The following ZNF658 variants were observed in gnomAD, a reference collection of about 807,000 sequenced individuals.
ZNF658 encodes the protein zinc finger protein 658.
ZNF658 carries 46 observed loss-of-function variants against 78.0 expected under a neutral mutation model. That is an observed-to-expected ratio of 0.59 (90% CI 0.47 to 0.75). ZNF658 has a LOEUF of 0.75. Among genes scored for constraint, ZNF658 ranks in the 30% least tolerant of loss-of-function variants. The pLI is 0.00. For missense variants in ZNF658, 785 were observed against 1,189.3 expected (o/e 0.66, Z 5.00); for synonymous variants, 279 against 408.4 (o/e 0.68, Z 3.82).
chr9:66,910,694 G>C (rs1034489770), intron 4 of ZNF658, among the ~76,000 whole-genome samples: 1 of 151,768 alleles, frequency 6.6e-6, no homozygotes, highest in Non-Finnish European at 1.5e-5. Context: ...TACTTGGGAG[G>C]CTGAGGCAGG....
In ZNF658 at chr9:66,919,739, C is replaced by T. The variant is rs1363028223; in HGVS notation, c.2173C>T (p.His725Tyr). Reference protein sequence around the residue: ...ECNECEKTFAHNSALRAHQNI... With the variant: ...ECNECEKTFAYNSALRAHQNI... Reference sequence around the variant, plus strand: ...TAATGAATGTGAGAAAACATTTGCCCATAATTCAGCCCTTAGAGCACATCA... The same window carrying T: ...TAATGAATGTGAGAAAACATTTGCCTATAATTCAGCCCTTAGAGCACATCA... Residue 725 changes from histidine (H) to tyrosine (Y), a missense_variant, in exon 5 of 5, where the codon CAT (histidine) becomes TAT (tyrosine). Physicochemically the swap from His to Tyr is moderately conservative, Grantham distance 83. This residue lies in a region of ZNF658 where 75 missense variants were observed against 147.1 expected (regional missense o/e 0.51). Coordinates refer to ENST00000621410, the MANE Select transcript of ZNF658 (RefSeq NM_033160.7). 5 of 1,612,072 alleles carry T rather than the reference C, an allele frequency of 3.1e-6. No homozygotes were observed. The highest frequency in any genetic ancestry group is 4.2e-6 in the Non-Finnish European group (5 of 1,179,776).
At chr9:66,915,387 C>T (rs1822311592) in intron 4 of ZNF658, among the ~76,000 whole-genome samples, 1 of 139,552 alleles carries the variant, frequency 7.2e-6, no homozygotes, top group African/African-American at 2.7e-5. Context: ...AGTTAGTTTG[C>T]TTTTATAGTT....
At position 66,900,735 on chromosome 9, in the gene ZNF658, G is replaced by C. The variant is rs1156918357; in HGVS notation, c.-146G>C. 1 of 152,348 alleles carries C rather than the reference G, an allele frequency of 6.6e-6. No individual in the cohort carries two copies. The highest frequency in any genetic ancestry group is 2.4e-5 in the African/African-American group (1 of 41,468). 9.4% of individuals were successfully genotyped at this position (152,348 alleles called of 1,614,324 possible). ...GTTTCGGGGCTCGCTCTGCGCATGT[G>C]TAAACCCAGCCCCACCTCCTGCCGT... On this transcript the variant is annotated 5_prime_UTR_variant, in exon 1 of 5. Coordinates refer to ENST00000621410, the MANE Select transcript of ZNF658 (RefSeq NM_033160.7).
At position 66,910,742 on chromosome 9, in the gene ZNF658, G is replaced by A. The variant is rs540180894; in HGVS notation, c.238+2008G>A. Among the ~76,000 whole-genome samples the A allele has an allele frequency of 3.1e-3, 459 of 150,120 alleles. 5 individuals carry two copies. The highest frequency in any genetic ancestry group is 0.01 in the African/African-American group (411 of 40,632). Reference sequence around the variant, plus strand: ...ACCCAGGAGGCAGAGCTTGCAGTGAGCCGAGATAGCACCACTGCACTCCGG... The same window carrying A: ...ACCCAGGAGGCAGAGCTTGCAGTGAACCGAGATAGCACCACTGCACTCCGG... On this transcript the variant is annotated intron_variant, in intron 4 of 4. Coordinates refer to ENST00000621410, the MANE Select transcript of ZNF658 (RefSeq NM_033160.7).
At position 66,907,857 on chromosome 9, in the gene ZNF658, G is replaced by C. The variant is rs552079451; in HGVS notation, c.16-381G>C. Among the ~76,000 whole-genome samples, 120 of 151,804 alleles carry C rather than the reference G, an allele frequency of 7.9e-4. 1 individual carries two copies. The highest frequency in any genetic ancestry group is 2.8e-3 in the African/African-American group (116 of 41,358). On this transcript the variant is annotated intron_variant, in intron 2 of 4. Coordinates refer to ENST00000621410, the MANE Select transcript of ZNF658 (RefSeq NM_033160.7). ...CTCTACCCTATATAAAGTTTGGTCA[G>C]GGTATCTCCAGACTTCACATATATC...
Position 66,919,529 on chromosome 9 carries a change from G to A in ZNF658, c.1963G>A (p.Glu655Lys). ...GGCACATCAAAGAATTCACACAGGG[G>A]AGAAACCCTATGAATGTAATGAATG... ...LKAHQRIHTG[E>K]KPYECNECGR... Residue 655 changes from glutamate (E) to lysine (K), a missense_variant, in exon 5 of 5, where the codon GAG becomes AAG. Glu to Lys is a moderately conservative substitution (Grantham distance 56). This residue lies in a region of ZNF658 where 75 missense variants were observed against 147.1 expected (regional missense o/e 0.51). Transcript: ENST00000621410. 6.2e-7 allele frequency: 1 copy of A among 1,613,002 alleles called. No homozygotes were observed. Among genetic ancestry groups the A allele is most frequent in the Non-Finnish European group, 8.5e-7 (1 of 1,179,518 alleles).
rs1237544287 is a variant in ZNF658, at chr9:66,912,914, G to T, written c.238+4180G>T. On this transcript the variant is annotated intron_variant, in intron 4 of 4. Coordinates refer to ENST00000621410, the MANE Select transcript of ZNF658 (RefSeq NM_033160.7). ...TACAAAAAAATTAGCCAATCATGGTGGCTCGTGCCTGTAATCCCAGCTGCT... is the reference window on the plus strand; with the variant it reads ...TACAAAAAAATTAGCCAATCATGGTTGCTCGTGCCTGTAATCCCAGCTGCT... Among the ~76,000 whole-genome samples the T allele has an allele frequency of 2.0e-5, 3 of 151,916 alleles. No individual in the cohort carries two copies. In the East Asian group the frequency reaches 5.8e-4, roughly 30 times the overall value.
In ZNF658 at chr9:66,914,140, A is replaced by T. The variant is rs149467850; in HGVS notation, c.239-3665A>T. Among the ~76,000 whole-genome samples, 434 of 151,670 alleles carry T rather than the reference A, an allele frequency of 2.9e-3. 9 individuals carry two copies. The highest frequency in any genetic ancestry group is 0.01 in the African/African-American group (417 of 40,970). ...GAGAATTGACATCTTAACAACGTACAGTCTTCCAGTCCATACACAAAATAT... is the reference window on the plus strand; with the variant it reads ...GAGAATTGACATCTTAACAACGTACTGTCTTCCAGTCCATACACAAAATAT... On this transcript the variant is annotated intron_variant, in intron 4 of 4. Coordinates refer to ENST00000621410, the MANE Select transcript of ZNF658 (RefSeq NM_033160.7).
At chr9:66,921,965 C>A (rs990238710), downstream of ZNF658, among the ~76,000 whole-genome samples, 1 of 123,420 alleles carries the variant, frequency 8.1e-6, no homozygotes, top group African/African-American at 3.1e-5. Context: ...TCTACAGAGG[C>A]AGGCAGGCCT....
chr9:66,910,258 A>T (rs1411204287), intron 4 of ZNF658, among the ~76,000 whole-genome samples: 1 of 152,190 alleles, frequency 6.6e-6, no homozygotes, highest in African/African-American at 2.4e-5. Context: ...CTTTGTACGA[A>T]TAAATGATTC....
At chr9:66,922,929 A>C (rs1299760480), downstream of ZNF658, among the ~76,000 whole-genome samples, 1 of 151,334 alleles carries the variant, frequency 6.6e-6, no homozygotes, top group Admixed American at 6.6e-5. Context: ...TGTAAGACAT[A>C]CACTGGTTAG....
intron 4 of ZNF658, among the ~76,000 whole-genome samples, chr9:66,914,349 C>T (rs1394697129): frequency 4.0e-5 from 6 of 151,796 alleles, no homozygotes; most frequent in African/African-American, 1.4e-4. Context: ...TGTATATTGG[C>T]CTTAGATTCT....
chr9:66,920,009 G>A lies in ZNF658; in HGVS notation c.2443G>A (p.Val815Met), dbSNP rs2118099315. The stretch of plus-strand genomic sequence containing the variant: ...TTTTGTCTATAAGGCAGCCCTCATA[G>A]TGCATCAAAGAATTCACACAGGGGA... ...KTFVYKAALI[V>M]HQRIHTGEKP... Residue 815 changes from valine (V) to methionine (M), a missense_variant, in exon 5 of 5, where the codon GTG becomes ATG. Transcript: ENST00000621410. 1 of 1,608,128 alleles carries A rather than the reference G, an allele frequency of 6.2e-7. No homozygotes were observed. Among genetic ancestry groups the A allele is most frequent in the Non-Finnish European group, 8.5e-7 (1 of 1,178,386 alleles).
chr9:66,914,179 T>C (rs956459415), intron 4 of ZNF658, among the ~76,000 whole-genome samples: 21 of 150,984 alleles, frequency 1.4e-4, no homozygotes, highest in Admixed American at 7.2e-4. Context: ...TACTGATTTA[T>C]TTACTGTTTC....
intron 6 of ZNF658, among the ~76,000 whole-genome samples, chr9:66,931,521 A>G (rs1822644478): frequency 6.6e-6 from 1 of 151,994 alleles, no homozygotes; most frequent in Admixed American, 6.6e-5. Context: ...TAGAACATTT[A>G]TCTATGTAGG....
chr9:66,914,073 T>G (rs1397797160), intron 4 of ZNF658, among the ~76,000 whole-genome samples: 2 of 151,250 alleles, frequency 1.3e-5, no homozygotes, highest in African/African-American at 4.9e-5. Flanking sequence ...AGGAAACATG[T>G]TGGCATTTAA....
intron 2 of ZNF658, among the ~76,000 whole-genome samples, chr9:66,907,828 C>A (rs1240069335): frequency 6.6e-6 from 1 of 152,002 alleles, no homozygotes; most frequent in African/African-American, 2.4e-5. Flanking sequence ...CTGCTCTTCA[C>A]CTGCTCTACC....
At chr9:66,911,806 T>A (rs1774578675) in intron 4 of ZNF658, among the ~76,000 whole-genome samples, 1 of 75,714 alleles carries the variant, frequency 1.3e-5, no homozygotes, top group African/African-American at 8.7e-5. Flanking sequence ...CTAAGTAGCA[T>A]GGAGCTGGGG....
downstream of ZNF658, among the ~76,000 whole-genome samples, chr9:66,923,703 G>A (rs1043225520): frequency 1.3e-5 from 2 of 151,136 alleles, no homozygotes; most frequent in African/African-American, 4.9e-5. Flanking sequence ...AGAAAGAATA[G>A]ATTGTAAATG....
Sources: allele counts gnomAD v4.1 joint callset (sites outside exome capture counted in the v4.1 genomes callset), GRCh38; gene constraint gnomAD v4.1.1; regional missense constraint gnomAD v4.1.1; transcripts MANE v1.5; gene names NCBI Gene and HGNC (gene_info 2026-07-23, HGNC 2026-07-21).